Variants in VPS54 observed in about 807,000 individuals in gnomAD.
VPS54 encodes the protein vacuolar protein sorting-associated protein 54.
A neutral mutation model predicts 121.5 loss-of-function variants in VPS54; 45 were observed. The ratio of observed to expected loss-of-function variants is 0.37; its 90% CI spans 0.29 to 0.47. The LOEUF (loss-of-function observed/expected upper bound fraction) is 0.47, where lower values mean the gene tolerates loss of function less well. Ranked by LOEUF, VPS54 falls within the 20% of genes least tolerant of loss-of-function variation. The probability of loss-of-function intolerance (pLI) is 0.99; values close to 1 mark genes in which losing one functional copy is unlikely to be tolerated. For synonymous variants in VPS54, 371 were observed against 385.8 expected (o/e 0.96, Z 0.45); for missense variants, 1,090 against 1,131.4 (o/e 0.96, Z 0.52).
In VPS54 at chr2:64,019,265, C is replaced by T. The variant is rs1204677840; in HGVS notation, c.-348G>A. On this transcript the variant is annotated 5_prime_UTR_variant, in exon 1 of 23. Transcript: ENST00000272322. ...CTGCTGCCACCGCCTCTCCCACATC[C>T]CCGGCCTCCAGGGGAGCCGCCGCCG... Among the ~76,000 whole-genome samples the T allele has an allele frequency of 6.7e-6, 1 of 150,312 alleles. No individual in the cohort carries two copies. Among genetic ancestry groups the T allele is most frequent in the Non-Finnish European group, 1.5e-5 (1 of 67,280 alleles).
intron 17 of VPS54, among the ~76,000 whole-genome samples, 180 bp from the exon 18 acceptor site, chr2:63,913,490 T>C (rs1274696114): frequency 6.6e-6 from 1 of 152,216 alleles, no homozygotes; most frequent in Non-Finnish European, 1.5e-5. Flanking sequence ...GGGGAGATTC[T>C]AAATGATAAT....
In VPS54 at chr2:63,991,860, CTCT is replaced by C. The variant is rs565015611; in HGVS notation, c.-20-7844_-20-7842del. 1.1e-4 allele frequency among the ~76,000 whole-genome samples: 16 copies of C among 152,332 alleles called. 1 individual carries two copies. In the South Asian group the frequency reaches 2.9e-3, roughly 28 times the overall value. ...ACAGTCAACCCAGATGGGTCCCAGC[CTCT>C]TCTTCTCAGTACAATGCTTGTCCAC... On this transcript the variant is annotated intron_variant, in intron 1 of 22. Coordinates refer to ENST00000272322, the MANE Select transcript of VPS54 (RefSeq NM_016516.3).
chr2:63,933,753 G>C lies in VPS54; in HGVS notation c.1659C>G (p.Ser553=), dbSNP rs138163290. The change falls in exon 12 of 23, where the codon TCC becomes TCG. Residue 553 remains serine, a synonymous_variant. Coordinates refer to ENST00000272322, the MANE Select transcript of VPS54 (RefSeq NM_016516.3). ...AAGAATCAGTAGTACATTCTGGCTC[G>C]GATACAGAATCACTGCTGCAGGGCT... is the stretch of plus-strand genomic sequence containing the variant. ...NSEPCSSDSV[S]EPECTTDSSS... 4 of 1,613,798 alleles carry C rather than the reference G, an allele frequency of 2.5e-6. No homozygotes were observed. The highest frequency in any genetic ancestry group is 3.4e-6 in the Non-Finnish European group (4 of 1,179,826).
chr2:63,921,362 C>G (rs759302760), intron 12 of VPS54, 27 bp from the exon 13 acceptor site: 7 of 1,607,388 alleles, frequency 4.4e-6, no homozygotes, highest in Non-Finnish European at 5.9e-6. Flanking sequence ...AAGATTTAGT[C>G]AGGGAAAGTT....
chr2:63,949,472 C>G (rs1318435153), intron 7 of VPS54, among the ~76,000 whole-genome samples: 1 of 152,086 alleles, frequency 6.6e-6, no homozygotes, highest in South Asian at 2.1e-4. Flanking sequence ...TTATGTTGAC[C>G]AGAAGCCTTA....
chr2:63,957,523 A>C (rs1476591287), intron 7 of VPS54, among the ~76,000 whole-genome samples: 1 of 152,062 alleles, frequency 6.6e-6, no homozygotes, highest in Non-Finnish European at 1.5e-5. Context: ...CAATCATTCA[A>C]AATTTTTTAA....
rs577404473 is a variant in VPS54 at position 63,981,564 on chromosome 2, G to A, written c.378+82C>T. 9.0e-6 allele frequency: 13 copies of A among 1,440,704 alleles called. No individual in the cohort carries two copies. In the African/African-American group the frequency reaches 1.4e-4, roughly 16 times the overall value. The allele number at this position is 1,440,704 out of a possible 1,614,324, so 89.2% of individuals were successfully genotyped here. Reference sequence around the variant, plus strand: ...TACTATAGGTTCATCAAACATTACTGGTCAAAAATCTATAATAAAGCATAC... The same window carrying A: ...TACTATAGGTTCATCAAACATTACTAGTCAAAAATCTATAATAAAGCATAC... On this transcript the variant is annotated intron_variant, in intron 3 of 22. Transcript: ENST00000272322.
At chr2:63,909,032 T>C (rs1324238179) in intron 20 of VPS54, among the ~76,000 whole-genome samples, 1 of 152,194 alleles carries the variant, frequency 6.6e-6, no homozygotes, top group African/African-American at 2.4e-5. Flanking sequence ...TCATCTTATC[T>C]ATCCTTAAAA....
chr2:63,999,119 TTTTG>T (rs1576009028), intron 1 of VPS54, among the ~76,000 whole-genome samples: 1 of 152,002 alleles, frequency 6.6e-6, no homozygotes, highest in African/African-American at 2.4e-5. Context: ...CCTGGCTAAT[TTTTG>T]TTTTTCAGTA....
chr2:64,014,202 C>T (rs1678576687), intron 1 of VPS54, among the ~76,000 whole-genome samples: 1 of 152,150 alleles, frequency 6.6e-6, no homozygotes, highest in Non-Finnish European at 1.5e-5. Flanking sequence ...TAGAAAAACC[C>T]TTCAAATACA....
chr2:63,948,567 A>AT (rs1002499688), intron 8 of VPS54, among the ~76,000 whole-genome samples: 11 of 151,416 alleles, frequency 7.3e-5, no homozygotes, highest in South Asian at 2.1e-4. Context: ...CACCCAGCTA[A>AT]TTTTTTTATT....
intron 3 of VPS54, among the ~76,000 whole-genome samples, chr2:63,980,581 G>A (rs1482727171): frequency 6.6e-6 from 1 of 151,150 alleles, no homozygotes; most frequent in Non-Finnish European, 1.5e-5. Context: ...GTAATTCTTT[G>A]TTTTGCTATT....
chr2:63,984,576 A>T (rs1443443424), intron 1 of VPS54, among the ~76,000 whole-genome samples: 1 of 152,236 alleles, frequency 6.6e-6, no homozygotes, highest in Non-Finnish European at 1.5e-5. Flanking sequence ...GGTTACTGTC[A>T]TTGTAATTAT....
chr2:63,984,265 GT>G (rs1016937281), intron 1 of VPS54, among the ~76,000 whole-genome samples: 15 of 152,230 alleles, frequency 9.9e-5, no homozygotes, highest in African/African-American at 3.6e-4. Context: ...AAATACCAAG[GT>G]TGTACCCAAC....
intron 1 of VPS54, among the ~76,000 whole-genome samples, chr2:64,018,564 T>C (rs967624625): frequency 6.6e-6 from 1 of 151,850 alleles, no homozygotes; most frequent in Non-Finnish European, 1.5e-5. Flanking sequence ...TAGAATCCAA[T>C]AGGACTAAGG....
intron 10 of VPS54, among the ~76,000 whole-genome samples, chr2:63,943,724 TTTC>T (rs1170394538): frequency 1.4e-4 from 16 of 116,026 alleles, no homozygotes; most frequent in East Asian, 8.0e-4. Flanking sequence ...TCTTTCTTTC[TTTC>T]TTTTTTTTTT....
chr2:63,958,829 T>A (rs1363223628), intron 7 of VPS54, among the ~76,000 whole-genome samples: 7 of 151,912 alleles, frequency 4.6e-5, no homozygotes, highest in African/African-American at 1.7e-4. Context: ...TTTAAAAGAG[T>A]CCTTTGCTTG....
chr2:63,955,086 A>G (rs1675432703), intron 7 of VPS54, among the ~76,000 whole-genome samples: 1 of 152,044 alleles, frequency 6.6e-6, no homozygotes, highest in Admixed American at 6.5e-5. Flanking sequence ...TATCTTTCAA[A>G]GATACCTAAT....
chr2:63,930,610 C>A (rs1052162884), intron 12 of VPS54, among the ~76,000 whole-genome samples: 4 of 152,086 alleles, frequency 2.6e-5, no homozygotes, highest in African/African-American at 9.7e-5. Flanking sequence ...GCACAAGACA[C>A]AGATGCCCTT....
Sources: allele counts gnomAD v4.1 joint callset (sites outside exome capture counted in the v4.1 genomes callset), GRCh38; gene constraint gnomAD v4.1.1; transcripts MANE v1.5; gene names NCBI Gene and HGNC (gene_info 2026-07-23, HGNC 2026-07-21).